The following KCNQ5 variants were observed in gnomAD, a reference collection of about 807,000 sequenced individuals.
The protein encoded by KCNQ5 is potassium voltage-gated channel subfamily Q member 5, also known as potassium voltage-gated channel subfamily KQT member 5.
Under a neutral mutation model 98.2 loss-of-function variants are expected in KCNQ5, and 30 were observed. That is an observed-to-expected ratio of 0.31 (90% CI 0.23 to 0.41). The LOEUF (loss-of-function observed/expected upper bound fraction) is 0.41. Among genes scored for constraint, KCNQ5 ranks in the 10% least tolerant of loss-of-function variants. The probability of loss-of-function intolerance (pLI) is 1.00; values close to 1 mark genes in which losing one functional copy is unlikely to be tolerated. For synonymous variants in KCNQ5, 458 were observed against 449.4 expected (o/e 1.02, Z -0.24); for missense variants, 835 against 1,182.5 (o/e 0.71, Z 4.31).
rs1214222004 is a variant in KCNQ5 at position 73,063,732 on chromosome 6, TA to T, written c.617-13589del. On this transcript the variant is annotated intron_variant, in intron 3 of 13. Transcript: ENST00000370398. ...GATAGATAGATAGATGATAGATAGA[TA>T]GATAGATAGATAGATAGATAGATAG... Among the ~76,000 whole-genome samples, 1,007 of 117,238 alleles carry T rather than the reference TA, an allele frequency of 8.6e-3. 11 individuals carry two copies. Among genetic ancestry groups the T allele is most frequent in the African/African-American group, 0.023 (807 of 35,166 alleles). 76.9% of individuals were successfully genotyped at this position (117,238 alleles called of 152,430 possible).
At chr6:72,971,402 T>G (rs1379940973) in intron 1 of KCNQ5, among the ~76,000 whole-genome samples, 1 of 152,222 alleles carries the variant, frequency 6.6e-6, no homozygotes, top group African/African-American at 2.4e-5. Flanking sequence ...TTGGTGGGAC[T>G]GTAAACTAGT....
At chr6:72,774,322 T>C (rs1379823331) in intron 1 of KCNQ5, among the ~76,000 whole-genome samples, 1 of 152,112 alleles carries the variant, frequency 6.6e-6, no homozygotes, top group Non-Finnish European at 1.5e-5. Flanking sequence ...TGAACTCCAA[T>C]AAAACTTTAT....
chr6:73,046,667 A>G (rs1771979220), intron 3 of KCNQ5, among the ~76,000 whole-genome samples: 1 of 21,768 alleles, frequency 4.6e-5, no homozygotes, highest in East Asian at 1.0e-3. Flanking sequence ...TTTGAGGCAG[A>G]GTTTCCCTCT....
intron 1 of KCNQ5, among the ~76,000 whole-genome samples, chr6:72,827,783 T>C (rs1776066904): frequency 6.6e-6 from 1 of 152,156 alleles, no homozygotes; most frequent in Non-Finnish European, 1.5e-5. Flanking sequence ...TTTCGAGGTC[T>C]TGATCATAAA....
Position 72,622,736 on chromosome 6 carries a change from C to A in KCNQ5, c.398+149C>A. 1.3e-6 allele frequency: 1 copy of A among 771,224 alleles called. No homozygotes were observed. Among genetic ancestry groups the A allele is most frequent in the South Asian group, 1.8e-5 (1 of 55,004 alleles). The allele number at this position is 771,224 out of a possible 1,614,324, so 47.8% of individuals were successfully genotyped here. The stretch of plus-strand genomic sequence containing the variant: ...TTCGCACGTGTTCGTGGTCTTCCTT[C>A]TGGAGCCTCTCCCCTCCCCCAGCCC... On this transcript the variant is annotated intron_variant, in intron 1 of 13. Coordinates refer to ENST00000370398, the MANE Select transcript of KCNQ5 (RefSeq NM_019842.4). This position sits in a 1 kb window ranked among gnomAD's most constrained non-coding sequence, Gnocchi z 6.0.
intron 1 of KCNQ5, among the ~76,000 whole-genome samples, chr6:72,741,992 A>G (rs1268850786): frequency 6.6e-6 from 1 of 152,174 alleles, no homozygotes; most frequent in Non-Finnish European, 1.5e-5. Context: ...TCATGCTACT[A>G]CCAACAACCT....
chr6:72,622,713 C>A lies in KCNQ5; in HGVS notation c.398+126C>A. ...GCACACGTGGTGGCTTTTATTTCTT[C>A]GCACGTGTTCGTGGTCTTCCTTCTG... On this transcript the variant is annotated intron_variant, in intron 1 of 13. Transcript: ENST00000370398. The surrounding 1 kb of genome is among the most constrained non-coding windows in gnomAD (Gnocchi z 6.0). 2.1e-6 allele frequency: 2 copies of A among 964,646 alleles called. No individual in the cohort carries two copies. Among genetic ancestry groups the A allele is most frequent in the Non-Finnish European group, 3.1e-6 (2 of 652,514 alleles). The allele number at this position is 964,646 out of a possible 1,614,324, so 59.8% of individuals were successfully genotyped here. A position where few individuals can be genotyped will look rare whatever the true frequency, so the allele number is the denominator to read the frequency against.
chr6:72,749,669 G>C (rs1316320438), intron 1 of KCNQ5, among the ~76,000 whole-genome samples: 3 of 151,962 alleles, frequency 2.0e-5, no homozygotes, highest in Admixed American at 6.6e-5. Context: ...AAAAATACAA[G>C]GCACAAATAG....
intron 2 of KCNQ5, among the ~76,000 whole-genome samples, chr6:73,040,660 G>A (rs1235949279): frequency 1.2e-4 from 19 of 152,204 alleles, no homozygotes; most frequent in Non-Finnish European, 2.8e-4. Flanking sequence ...TGAGTAAGCA[G>A]TGATGATATT....
At chr6:73,055,114 G>A in intron 3 of KCNQ5, 1 of 747,396 alleles carries the variant, frequency 1.3e-6, no homozygotes, top group Non-Finnish European at 2.5e-6. Context: ...CCTACAAACT[G>A]GTGCAGATCC....
chr6:73,133,345 C>T, intron 9 of KCNQ5, 76 bp from the exon 10 acceptor site: 10 of 1,242,154 alleles, frequency 8.1e-6, no homozygotes, highest in Non-Finnish European at 9.3e-6. Flanking sequence ...ACCACATGAG[C>T]TTCATCAAAT....
chr6:72,763,224 G>A (rs1772377716), intron 1 of KCNQ5, among the ~76,000 whole-genome samples: 1 of 151,880 alleles, frequency 6.6e-6, no homozygotes, highest in South Asian at 2.1e-4. Flanking sequence ...CATATTGAAT[G>A]GTATTAACAA....
At chr6:72,833,992 A>G (rs1357831930) in intron 1 of KCNQ5, among the ~76,000 whole-genome samples, 4 of 152,160 alleles carry the variant, frequency 2.6e-5, no homozygotes, top group Non-Finnish European at 5.9e-5. Context: ...GACATTATGC[A>G]ATACTATAAA....
intron 1 of KCNQ5, among the ~76,000 whole-genome samples, chr6:72,676,424 C>G (rs983346762): frequency 5.9e-5 from 9 of 152,142 alleles, no homozygotes; most frequent in African/African-American, 2.2e-4. Flanking sequence ...ATGCTCAGGG[C>G]TGACACAGGA....
intron 10 of KCNQ5, among the ~76,000 whole-genome samples, chr6:73,137,080 C>T (rs1484140864): frequency 6.6e-6 from 1 of 151,118 alleles, no homozygotes; most frequent in Non-Finnish European, 1.5e-5. Flanking sequence ...AATAGACTTG[C>T]AATTGAAAGA....
chr6:72,904,228 T>G (rs957799469), intron 1 of KCNQ5, among the ~76,000 whole-genome samples: 4 of 152,178 alleles, frequency 2.6e-5, no homozygotes, highest in Non-Finnish European at 4.4e-5. Flanking sequence ...ACCCCTTTCC[T>G]TTAAGTTTAA....
intron 1 of KCNQ5, among the ~76,000 whole-genome samples, chr6:72,859,361 T>C (rs190121263): frequency 7.9e-5 from 12 of 152,332 alleles, no homozygotes; most frequent in Middle Eastern, 3.4e-3. Flanking sequence ...AGTTATTTAA[T>C]GAATCATCTT....
intron 1 of KCNQ5, among the ~76,000 whole-genome samples, chr6:72,723,881 T>C (rs945151607): frequency 3.3e-5 from 5 of 152,186 alleles, no homozygotes; most frequent in African/African-American, 1.2e-4. Flanking sequence ...TCTCCTATTG[T>C]AGCTAGTTTG....
chr6:72,716,903 A>G (rs1378493834), intron 1 of KCNQ5, among the ~76,000 whole-genome samples: 1 of 152,192 alleles, frequency 6.6e-6, no homozygotes, highest in Non-Finnish European at 1.5e-5. Flanking sequence ...AAATTCAGTT[A>G]TGCATTTGAT....
Sources: allele counts gnomAD v4.1 joint callset (sites outside exome capture counted in the v4.1 genomes callset), GRCh38; gene constraint gnomAD v4.1.1; non-coding constraint Gnocchi (gnomAD v3.1); transcripts MANE v1.5; gene names NCBI Gene and HGNC (gene_info 2026-07-23, HGNC 2026-07-21).